Variants in MYL1 observed in about 807,000 individuals in gnomAD.
The protein encoded by MYL1 is myosin light chain 1/3, skeletal muscle isoform.
Under a neutral mutation model 21.8 loss-of-function variants are expected in MYL1, and 16 were observed. That is an observed-to-expected ratio of 0.74 (90% CI 0.50 to 1.12). MYL1 has a LOEUF of 1.12. Among genes scored for constraint, MYL1 ranks in the 50% most tolerant of loss-of-function variants. The pLI is 0.00. For synonymous variants in MYL1, 99 were observed against 85.2 expected (o/e 1.16, Z -0.89); for missense variants, 246 against 241.0 (o/e 1.02, Z -0.14).
chr2:210,304,261 C>T (rs537883163), intron 1 of MYL1, among the ~76,000 whole-genome samples: 109 of 152,322 alleles, frequency 7.2e-4, no homozygotes, highest in African/African-American at 2.5e-3. Context: ...AGTCTCCTTA[C>T]GTTAGGTCTG....
intron 1 of MYL1, among the ~76,000 whole-genome samples, chr2:210,305,558 A>T (rs1161159338): frequency 6.6e-6 from 1 of 152,146 alleles, no homozygotes; most frequent in Non-Finnish European, 1.5e-5. Flanking sequence ...TTAAATTTGA[A>T]TCATCTTATG....
At chr2:210,291,506 G>C (rs1690075251) in intron 5 of MYL1, among the ~76,000 whole-genome samples, 1 of 152,110 alleles carries the variant, frequency 6.6e-6, no homozygotes, top group Admixed American at 6.5e-5. Flanking sequence ...CTAGGCAACT[G>C]GTTCCCCTTT....
chr2:210,301,989 A>C (rs1690271175), intron 2 of MYL1, among the ~76,000 whole-genome samples: 1 of 152,068 alleles, frequency 6.6e-6, no homozygotes, highest in Non-Finnish European at 1.5e-5. Context: ...TTCTATGATA[A>C]ATTAATCCTT....
chr2:210,302,856 A>T, intron 1 of MYL1: 2 of 1,513,044 alleles, frequency 1.3e-6, no homozygotes, highest in Non-Finnish European at 1.8e-6. Flanking sequence ...CATTGACAGA[A>T]GAATGAGTGC....
chr2:210,306,955 T>A lies in MYL1; in HGVS notation c.133-4440A>T, dbSNP rs192956103. On this transcript the variant is annotated intron_variant, in intron 1 of 6. Transcript: ENST00000352451. Reference sequence around the variant, plus strand: ...TATAATATGAATACACAATGTCAGCTGGTTTTGGCTTCAGTTCTCTATGTC... The same window carrying A: ...TATAATATGAATACACAATGTCAGCAGGTTTTGGCTTCAGTTCTCTATGTC... Among the ~76,000 whole-genome samples the A allele has an allele frequency of 5.3e-5, 8 of 152,322 alleles. No homozygotes were observed. In the East Asian group the frequency reaches 1.5e-3, roughly 29 times the overall value.
intron 4 of MYL1, among the ~76,000 whole-genome samples, chr2:210,294,041 T>C (rs1003186160): frequency 1.3e-5 from 2 of 152,230 alleles, no homozygotes; most frequent in African/African-American, 2.4e-5. Flanking sequence ...CCTTTACTTA[T>C]TCATTACCAA....
intron 1 of MYL1, among the ~76,000 whole-genome samples, chr2:210,312,569 C>T (rs1354215459): frequency 6.6e-6 from 1 of 151,844 alleles, no homozygotes; most frequent in East Asian, 1.9e-4. Context: ...TTTCTTTGGC[C>T]ATGCTAGAAT....
intron 2 of MYL1, among the ~76,000 whole-genome samples, chr2:210,299,248 G>A (rs1018368193): frequency 6.6e-6 from 1 of 152,076 alleles, no homozygotes; most frequent in Non-Finnish European, 1.5e-5. Flanking sequence ...TAATACATAT[G>A]ACATATGTTG....
intron 6 of MYL1, 47 bp downstream of exon 6, chr2:210,290,985 A>G (rs1246883285): frequency 7.5e-7 from 1 of 1,334,900 alleles, no homozygotes. Context: ...TTTAAAAAAC[A>G]CAATATCAAG....
intron 1 of MYL1, among the ~76,000 whole-genome samples, chr2:210,306,958 T>A (rs1187049370): frequency 1.3e-5 from 2 of 152,124 alleles, no homozygotes; most frequent in African/African-American, 4.8e-5. Context: ...TGTCAGCTGG[T>A]TTTGGCTTCA....
chr2:210,300,304 C>T (rs1690244789), intron 2 of MYL1, among the ~76,000 whole-genome samples: 1 of 152,022 alleles, frequency 6.6e-6, no homozygotes, highest in Non-Finnish European at 1.5e-5. Context: ...ATTTTATTAC[C>T]CCAGATTTTT....
At chr2:210,291,787 G>GT (rs1690079532) in intron 5 of MYL1, among the ~76,000 whole-genome samples, 1 of 108,378 alleles carries the variant, frequency 9.2e-6, no homozygotes, top group South Asian at 3.0e-4. Context: ...ACATTAAATT[G>GT]TTAAAAAAAT....
chr2:210,314,053 C>A (rs1432068980), intron 1 of MYL1, among the ~76,000 whole-genome samples: 2 of 152,092 alleles, frequency 1.3e-5, no homozygotes, highest in Admixed American at 1.3e-4. Flanking sequence ...TGAGTCACAT[C>A]ACTGGAAGTT....
At chr2:210,314,764 T>C (rs967986979) in intron 1 of MYL1, 147 bp downstream of exon 1, 28 of 922,334 alleles carry the variant, frequency 3.0e-5, no homozygotes, top group Non-Finnish European at 4.3e-5. Context: ...CATTCATTTT[T>C]TAAAGCAGGA....
chr2:210,298,365 C>CACACACAA, intron 3 of MYL1, 55 bp downstream of exon 3: 1 of 1,588,550 alleles, frequency 6.3e-7, no homozygotes. Flanking sequence ...CACACACACA[C>CACACACAA]ACTGCTACAC....
At chr2:210,300,517 C>T (rs549684592) in intron 2 of MYL1, among the ~76,000 whole-genome samples, 14 of 152,100 alleles carry the variant, frequency 9.2e-5, no homozygotes, top group African/African-American at 3.4e-4. Context: ...GCAGCAAAGC[C>T]TAACGTATTT....
chr2:210,310,430 C>T (rs1244807306), intron 1 of MYL1, among the ~76,000 whole-genome samples: 1 of 151,918 alleles, frequency 6.6e-6, no homozygotes, highest in Non-Finnish European at 1.5e-5. Flanking sequence ...AGATCTCATA[C>T]CCTCCTTAGA....
At chr2:210,304,416 AG>A (rs2125742727) in intron 1 of MYL1, among the ~76,000 whole-genome samples, 1 of 152,210 alleles carries the variant, frequency 6.6e-6, no homozygotes, top group Non-Finnish European at 1.5e-5. Flanking sequence ...ACTACACATA[AG>A]TTCTTACTAG....
intron 1 of MYL1, among the ~76,000 whole-genome samples, chr2:210,312,774 T>A (rs1342395383): frequency 6.6e-6 from 1 of 151,930 alleles, no homozygotes; most frequent in Non-Finnish European, 1.5e-5. Context: ...CTTTTTGATT[T>A]GTGTCCCTTA....
Sources: allele counts gnomAD v4.1 joint callset (sites outside exome capture counted in the v4.1 genomes callset), GRCh38; gene constraint gnomAD v4.1.1; transcripts MANE v1.5; gene names NCBI Gene and HGNC (gene_info 2026-07-23, HGNC 2026-07-21).